ACAD11: variants seen among roughly 807,000 people sequenced by gnomAD.
The protein encoded by ACAD11 is acyl-Coenzyme A dehydrogenase family, member 11.
In ACAD11, 83 loss-of-function variants were observed where a neutral mutation model predicts 102.2. That is an observed-to-expected ratio of 0.81 (90% CI 0.68 to 0.97). ACAD11 has a LOEUF of 0.97. Among genes scored for constraint, ACAD11 ranks in the 50% least tolerant of loss-of-function variants. The probability of loss-of-function intolerance (pLI) is 0.00; values close to 1 mark genes in which losing one functional copy is unlikely to be tolerated. For missense variants in ACAD11, 901 were observed against 951.7 expected (o/e 0.95, Z 0.70); for synonymous variants, 324 against 319.8 (o/e 1.01, Z -0.14).
At chr3:132,622,815 T>A (rs186187756) in intron 9 of ACAD11, among the ~76,000 whole-genome samples, 39 of 152,326 alleles carry the variant, frequency 2.6e-4, no homozygotes, top group African/African-American at 8.2e-4. Flanking sequence ...ATTTTGAGTA[T>A]GTTGGTTGGT....
intron 12 of ACAD11, among the ~76,000 whole-genome samples, chr3:132,604,604 G>T (rs1938758516): frequency 6.6e-6 from 1 of 152,056 alleles, no homozygotes; most frequent in South Asian, 2.1e-4. Context: ...ATGTACAAAT[G>T]ATATTAAATC....
At chr3:132,571,292 G>A (rs1937367748) in intron 17 of ACAD11, among the ~76,000 whole-genome samples, 1 of 145,128 alleles carries the variant, frequency 6.9e-6, no homozygotes, top group Admixed American at 6.8e-5. Flanking sequence ...TTGGCCACAT[G>A]TCTGTCTTCT....
intron 17 of ACAD11, among the ~76,000 whole-genome samples, chr3:132,568,033 A>G (rs544036047): frequency 1.4e-4 from 21 of 152,090 alleles, no homozygotes; most frequent in Non-Finnish European, 3.1e-4. Context: ...TATGAGATAA[A>G]CATACAACAT....
At position 132,611,734 on chromosome 3, in the gene ACAD11, G is replaced by C. The variant is rs151093858; in HGVS notation, c.1415-6529C>G. ...TCAATGAAATAAAAGAGGATACAAA[G>C]AAATGGAAGAACATTCCATGCTCTT... On this transcript the variant is annotated intron_variant, in intron 11 of 19. Coordinates refer to ENST00000264990, the MANE Select transcript of ACAD11 (RefSeq NM_032169.5). 9.0e-3 allele frequency among the ~76,000 whole-genome samples: 1,365 copies of C among 151,964 alleles called. 29 individuals carry two copies. Among genetic ancestry groups the C allele is most frequent in the African/African-American group, 0.032 (1,303 of 41,346 alleles).
At chr3:132,650,932 C>G (rs939639127) in intron 1 of ACAD11, among the ~76,000 whole-genome samples, 1 of 152,186 alleles carries the variant, frequency 6.6e-6, no homozygotes, top group African/African-American at 2.4e-5. Context: ...TCTTCTCCAC[C>G]CCCTCAACTC....
chr3:132,576,120 C>T (rs1351347038), intron 16 of ACAD11, among the ~76,000 whole-genome samples, 194 bp from the exon 17 acceptor site: 3 of 152,166 alleles, frequency 2.0e-5, no homozygotes, highest in East Asian at 3.8e-4. Context: ...AAAACCACCA[C>T]CATTAAACAT....
At chr3:132,601,784 G>C in intron 13 of ACAD11, 1 of 399,482 alleles carries the variant, frequency 2.5e-6, no homozygotes, top group Non-Finnish European at 4.9e-6. Flanking sequence ...GTGATAAAAT[G>C]ACACAGAACT....
chr3:132,576,020 C>T, intron 16 of ACAD11, 94 bp from the exon 17 acceptor site: 1 of 1,441,124 alleles, frequency 6.9e-7, no homozygotes, highest in Non-Finnish European at 9.4e-7. Flanking sequence ...GATGAGCTGC[C>T]CTTAATAAAA....
At chr3:132,594,904 A>G (rs535257199) in intron 13 of ACAD11, among the ~76,000 whole-genome samples, 5 of 152,328 alleles carry the variant, frequency 3.3e-5, no homozygotes, top group African/African-American at 9.6e-5. Context: ...TTATTAATTC[A>G]AAATATTTTT....
At chr3:132,561,507 G>A (rs889504351) in intron 17 of ACAD11, among the ~76,000 whole-genome samples, 1 of 152,128 alleles carries the variant, frequency 6.6e-6, no homozygotes, top group African/African-American at 2.4e-5. Flanking sequence ...AAAGATGGCT[G>A]AACTGAGCAA....
intron 11 of ACAD11, among the ~76,000 whole-genome samples, chr3:132,611,421 A>T (rs2107837011): frequency 6.6e-6 from 1 of 152,236 alleles, no homozygotes; most frequent in South Asian, 2.1e-4. Flanking sequence ...TTAGGAAAAG[A>T]GGAAGTCAAA....
At chr3:132,628,260 C>G (rs1205366405) in intron 8 of ACAD11, 80 bp downstream of exon 8, 9 of 877,432 alleles carry the variant, frequency 1.0e-5, no homozygotes, top group Non-Finnish European at 1.5e-5. Context: ...AAAATAATCC[C>G]TACTCCCCTA....
chr3:132,620,309 C>T (rs1397482999), intron 9 of ACAD11: 2 of 152,176 alleles, frequency 1.3e-5, no homozygotes, highest in African/African-American at 4.8e-5. Context: ...AATTCACAGA[C>T]TTATGGGGCA....
Position 132,618,732 on chromosome 3 carries a change from G to A in ACAD11, c.1316C>T (p.Pro439Leu). ...CACGTGGCTGAGTCCGCTGACAGCT[G>A]GCAAAAACAAGTTCCAGAGACCCTC... ...KVEGLWNLFL[P>L]AVSGLSHVDY... The change falls in exon 11 of 20, where the codon CCA (proline) becomes CTA (leucine). Residue 439 changes from proline (P) to leucine (L), a missense_variant. Coordinates refer to ENST00000264990, the MANE Select transcript of ACAD11 (RefSeq NM_032169.5). The A allele has an allele frequency of 6.3e-7, 1 of 1,597,664 alleles. No individual in the cohort carries two copies. Among genetic ancestry groups the A allele is most frequent in the African/African-American group, 1.4e-5 (1 of 73,942 alleles).
chr3:132,658,250 C>G (rs567605170), intron 1 of ACAD11, among the ~76,000 whole-genome samples: 1 of 152,166 alleles, frequency 6.6e-6, no homozygotes, highest in Admixed American at 6.5e-5. Flanking sequence ...TTTTTATAAA[C>G]TTTTTCATGT....
In ACAD11 at chr3:132,656,849, GTT is replaced by G. The variant is rs200968218; in HGVS notation, c.149+2752_149+2753del. 9.8e-4 allele frequency among the ~76,000 whole-genome samples: 141 copies of G among 143,974 alleles called. 1 individual carries two copies. Among genetic ancestry groups the G allele is most frequent in the Middle Eastern group, 3.6e-3 (1 of 280 alleles). 94.5% of individuals were successfully genotyped at this position (143,974 alleles called of 152,430 possible). On this transcript the variant is annotated intron_variant, in intron 1 of 19. Coordinates refer to ENST00000264990, the MANE Select transcript of ACAD11 (RefSeq NM_032169.5). Reference sequence around the variant, plus strand: ...GTGTGAAATGGTTTCTCATTGTGTTGTTTTTTTTTTTTTAATTTGCATTTCCC... The same window carrying G: ...GTGTGAAATGGTTTCTCATTGTGTTGTTTTTTTTTTTAATTTGCATTTCCC...
intron 2 of ACAD11, among the ~76,000 whole-genome samples, chr3:132,643,669 A>G (rs1022197672): frequency 8.5e-5 from 13 of 152,158 alleles, no homozygotes; most frequent in African/African-American, 3.1e-4. Flanking sequence ...AGGTGAGAGC[A>G]GCCAGCAGTA....
chr3:132,583,095 C>CA (rs1361731633), intron 13 of ACAD11, among the ~76,000 whole-genome samples: 1 of 152,084 alleles, frequency 6.6e-6, no homozygotes, highest in African/African-American at 2.4e-5. Flanking sequence ...CCCTCTTTTT[C>CA]TATTGATTGG....
intron 13 of ACAD11, among the ~76,000 whole-genome samples, chr3:132,580,887 C>T (rs1051150827): frequency 3.3e-5 from 5 of 151,516 alleles, no homozygotes; most frequent in Non-Finnish European, 5.9e-5. Context: ...AATGACTGGC[C>T]AAAAATGTAA....
Sources: allele counts gnomAD v4.1 joint callset (sites outside exome capture counted in the v4.1 genomes callset), GRCh38; gene constraint gnomAD v4.1.1; transcripts MANE v1.5; gene names NCBI Gene and HGNC (gene_info 2026-07-23, HGNC 2026-07-21).